SLC1A7: variants seen among roughly 807,000 people sequenced by gnomAD.
SLC1A7 encodes excitatory amino acid transporter 5.
In SLC1A7, 40 loss-of-function variants were observed where a neutral mutation model predicts 47.7. The ratio of observed to expected loss-of-function variants is 0.84; its 90% CI spans 0.65 to 1.09. SLC1A7 has a LOEUF of 1.09. Among genes scored for constraint, SLC1A7 ranks in the 50% least tolerant of loss-of-function variants. The pLI is 0.00. For missense variants in SLC1A7, 746 were observed against 769.5 expected (o/e 0.97, Z 0.36); for synonymous variants, 323 against 325.6 (o/e 0.99, Z 0.09).
intron 8 of SLC1A7, 167 bp downstream of exon 8, chr1:53,090,445 C>T: frequency 1.8e-6 from 2 of 1,115,240 alleles, no homozygotes; most frequent in South Asian, 3.5e-5. Context: ...CAATGCCCTC[C>T]CTCCCGGGCT....
At chr1:53,116,560 G>A (rs1237234600) in intron 2 of SLC1A7, among the ~76,000 whole-genome samples, 1 of 152,156 alleles carries the variant, frequency 6.6e-6, no homozygotes, top group Non-Finnish European at 1.5e-5. Flanking sequence ...AATCCTGAAG[G>A]GCTCATAATG....
At chr1:53,115,803 C>T (rs942482712) in intron 2 of SLC1A7, 1 of 152,330 alleles carries the variant, frequency 6.6e-6, no homozygotes, top group Non-Finnish European at 1.5e-5. Context: ...GGCTCCTCCC[C>T]ACCCCTAGCC....
intron 7 of SLC1A7, 143 bp downstream of exon 7, chr1:53,092,411 C>G: frequency 6.0e-6 from 4 of 669,386 alleles, no homozygotes; most frequent in Non-Finnish European, 1.1e-5. Flanking sequence ...CTTGTTACCC[C>G]AGCACCAGCC....
At chr1:53,133,998 A>G (rs2150345324) in intron 2 of SLC1A7, among the ~76,000 whole-genome samples, 1 of 152,322 alleles carries the variant, frequency 6.6e-6, no homozygotes, top group South Asian at 2.1e-4. Context: ...GAGTATCCTC[A>G]GAGTTAGTTC....
intron 1 of SLC1A7, among the ~76,000 whole-genome samples, chr1:53,138,700 A>G (rs1557694711): frequency 6.6e-6 from 1 of 152,096 alleles, no homozygotes; most frequent in South Asian, 2.1e-4. Context: ...ATATTTGTAC[A>G]TATTTATGGG....
intron 5 of SLC1A7, among the ~76,000 whole-genome samples, chr1:53,101,587 C>T (rs1644581554): frequency 1.3e-5 from 2 of 150,950 alleles, no homozygotes. Context: ...GGTACACTCA[C>T]ACAACCCGCC....
intron 2 of SLC1A7, among the ~76,000 whole-genome samples, chr1:53,118,022 C>T (rs1203351841): frequency 6.6e-6 from 1 of 152,270 alleles, no homozygotes; most frequent in Non-Finnish European, 1.5e-5. Context: ...CAGCACAGGC[C>T]AGCCTCCCCC....
At chr1:53,137,276 G>A (rs1450033353) in intron 1 of SLC1A7, among the ~76,000 whole-genome samples, 4 of 50,142 alleles carry the variant, frequency 8.0e-5, no homozygotes, top group African/African-American at 3.4e-4. Flanking sequence ...AACAGAGGGA[G>A]ACGCTATCTC....
rs1036915993 is a variant in SLC1A7, at chr1:53,142,523, G to A, written c.-74C>T. The A allele has an allele frequency of 9.8e-6, 15 of 1,527,374 alleles. No individual in the cohort carries two copies. In the African/African-American group the frequency reaches 1.6e-4, roughly 17 times the overall value. The allele number at this position is 1,527,374 out of a possible 1,614,324, so 94.6% of individuals were successfully genotyped here. A position where few individuals can be genotyped will look rare whatever the true frequency, so the allele number is the denominator to read the frequency against. On this transcript the variant is annotated 5_prime_UTR_variant, in exon 1 of 11. Coordinates refer to ENST00000371494, the MANE Select transcript of SLC1A7 (RefSeq NM_006671.6). ...GAGCCCGGCCGGGGGCACAGGGTCT[G>A]GGCTGAGGGCTCTAGCCCCTCAGCA...
chr1:53,136,640 A>T (rs1314707216), intron 1 of SLC1A7, among the ~76,000 whole-genome samples: 1 of 99,322 alleles, frequency 1.0e-5, no homozygotes, highest in African/African-American at 4.1e-5. Flanking sequence ...AATATATAAA[A>T]ACATATATAT....
chr1:53,120,244 C>T (rs183624385), intron 2 of SLC1A7, among the ~76,000 whole-genome samples: 348 of 152,284 alleles, frequency 2.3e-3, no homozygotes, highest in Middle Eastern at 0.02. Flanking sequence ...TGAGGTGGGA[C>T]TCCTGACCCC....
chr1:53,103,165 C>T (rs1644602192), intron 5 of SLC1A7, 181 bp downstream of exon 5: 8 of 549,444 alleles, frequency 1.5e-5, no homozygotes, highest in Non-Finnish European at 2.5e-5. Context: ...GGGGGAAGCC[C>T]CTGGGGTGGG....
At chr1:53,108,236 C>T (rs1644665480) in intron 3 of SLC1A7, 2 of 253,596 alleles carry the variant, frequency 7.9e-6, no homozygotes, top group Admixed American at 1.0e-4. Flanking sequence ...GGTCGCCTCC[C>T]ACTCACTCTT....
At chr1:53,136,937 G>A (rs531160408) in intron 1 of SLC1A7, among the ~76,000 whole-genome samples, 1 of 151,900 alleles carries the variant, frequency 6.6e-6, no homozygotes, top group East Asian at 1.9e-4. Flanking sequence ...AAAGTGCTGG[G>A]ATTATAGGTG....
intron 3 of SLC1A7, chr1:53,114,436 G>T: frequency 2.8e-6 from 1 of 362,214 alleles, no homozygotes; most frequent in South Asian, 4.6e-5. Context: ...GTAAAAAGAG[G>T]ACCAATAAAC....
At chr1:53,098,793 C>A (rs1377322434) in intron 5 of SLC1A7, among the ~76,000 whole-genome samples, 2 of 145,594 alleles carry the variant, frequency 1.4e-5, no homozygotes, top group Admixed American at 1.4e-4. Context: ...AGTCACACAA[C>A]CTGCTTCAGT....
At chr1:53,110,775 C>T (rs1402989257) in intron 3 of SLC1A7, among the ~76,000 whole-genome samples, 1 of 152,094 alleles carries the variant, frequency 6.6e-6, no homozygotes, top group Non-Finnish European at 1.5e-5. Flanking sequence ...AGTTCTCCTC[C>T]TGCCTCTCTG....
At chr1:53,133,559 T>C (rs2150345047) in intron 2 of SLC1A7, among the ~76,000 whole-genome samples, 1 of 152,268 alleles carries the variant, frequency 6.6e-6, no homozygotes, top group South Asian at 2.1e-4. Flanking sequence ...TGAAGATTTC[T>C]CATGGCCTCA....
intron 9 of SLC1A7, among the ~76,000 whole-genome samples, chr1:53,089,453 G>A (rs1011880584): frequency 3.3e-5 from 5 of 152,128 alleles, no homozygotes; most frequent in Non-Finnish European, 7.3e-5. Context: ...CTAATTTTTA[G>A]TAGAGATGGG....
Sources: allele counts gnomAD v4.1 joint callset (sites outside exome capture counted in the v4.1 genomes callset), GRCh38; gene constraint gnomAD v4.1.1; transcripts MANE v1.5; gene names NCBI Gene and HGNC (gene_info 2026-07-23, HGNC 2026-07-21).